Variants in SYN2 observed in about 807,000 individuals in gnomAD.
SYN2 encodes the protein synapsin II, also known as synapsin-2.
In SYN2, 19 loss-of-function variants were observed where a neutral mutation model predicts 50.9. The observed-to-expected ratio is 0.37, with a 90% confidence interval of 0.26 to 0.55. The LOEUF (loss-of-function observed/expected upper bound fraction) is 0.55. SYN2 is among the 20% of genes least tolerant of loss of function. The probability of loss-of-function intolerance (pLI) is 0.81; values close to 1 mark genes in which losing one functional copy is unlikely to be tolerated. For missense variants in SYN2, 587 were observed against 576.4 expected (o/e 1.02, Z -0.19); for synonymous variants, 255 against 224.9 (o/e 1.13, Z -1.20).
intron 1 of SYN2, among the ~76,000 whole-genome samples, chr3:12,087,550 A>T (rs1303332512): frequency 6.6e-6 from 1 of 152,016 alleles, no homozygotes; most frequent in African/African-American, 2.4e-5. Context: ...TCCCAGAAAT[A>T]CCAGCCTGGG....
At chr3:12,094,539 A>C (rs745411319) in intron 1 of SYN2, among the ~76,000 whole-genome samples, 3 of 152,230 alleles carry the variant, frequency 2.0e-5, no homozygotes, top group Non-Finnish European at 4.4e-5. Flanking sequence ...AGTCACCTCC[A>C]TCTATGCCAT....
intron 11 of SYN2, among the ~76,000 whole-genome samples, chr3:12,187,097 G>A (rs181650408): frequency 6.6e-6 from 1 of 152,136 alleles, no homozygotes; most frequent in Non-Finnish European, 1.5e-5. Context: ...GAGAGAGTGC[G>A]CCTCTGACGG....
At chr3:12,047,550 G>A (rs1156275312) in intron 1 of SYN2, among the ~76,000 whole-genome samples, 13 of 152,128 alleles carry the variant, frequency 8.5e-5, no homozygotes, top group Admixed American at 8.5e-4. Flanking sequence ...GCATTCTTCA[G>A]CAGCTTGGGG....
At chr3:12,039,661 G>A (rs1410891989) in intron 1 of SYN2, among the ~76,000 whole-genome samples, 1 of 149,584 alleles carries the variant, frequency 6.7e-6, no homozygotes, top group Non-Finnish European at 1.5e-5. Flanking sequence ...TTTTTTGAAG[G>A]TGTGCCATGA....
chr3:12,056,167 T>G (rs191549118), intron 1 of SYN2, among the ~76,000 whole-genome samples: 62 of 151,882 alleles, frequency 4.1e-4, no homozygotes, highest in African/African-American at 1.4e-3. Context: ...AAGTTGTGTT[T>G]TGTTTTTTTT....
intron 10 of SYN2, among the ~76,000 whole-genome samples, chr3:12,170,971 A>G (rs1389134515): frequency 3.3e-5 from 5 of 152,238 alleles, no homozygotes; most frequent in African/African-American, 9.6e-5. Flanking sequence ...AAGTTTCCCC[A>G]CTGATATCTA....
At chr3:12,035,995 T>C (rs1265002391) in intron 1 of SYN2, among the ~76,000 whole-genome samples, 5 of 152,260 alleles carry the variant, frequency 3.3e-5, no homozygotes, top group Non-Finnish European at 7.3e-5. Flanking sequence ...TTCCTTGCTA[T>C]TGTTTTAAGC....
intron 12 of SYN2, 42 bp from the exon 13 acceptor site, chr3:12,190,448 G>A (rs1247727593): frequency 6.2e-7 from 1 of 1,611,050 alleles, no homozygotes; most frequent in East Asian, 2.2e-5. Context: ...GCCTTGCTGG[G>A]AACACCACCC....
At chr3:12,111,063 T>C (rs1027417710) in intron 1 of SYN2, among the ~76,000 whole-genome samples, 1 of 152,042 alleles carries the variant, frequency 6.6e-6, no homozygotes, top group East Asian at 1.9e-4. Context: ...AATGATATGG[T>C]TTGGCTGTGT....
chr3:12,172,854 A>G (rs564887919), intron 10 of SYN2, among the ~76,000 whole-genome samples: 1 of 152,358 alleles, frequency 6.6e-6, no homozygotes, highest in East Asian at 1.9e-4. Context: ...CTCTTAGGGA[A>G]AAGCCAAATT....
chr3:12,079,670 T>G (rs1695546743), intron 1 of SYN2, among the ~76,000 whole-genome samples: 1 of 152,150 alleles, frequency 6.6e-6, no homozygotes, highest in Non-Finnish European at 1.5e-5. Context: ...TTGTGGTGAA[T>G]AAGGTTTTTT....
intron 1 of SYN2, among the ~76,000 whole-genome samples, chr3:12,037,288 T>C (rs995205113): frequency 5.9e-5 from 9 of 152,344 alleles, no homozygotes; most frequent in Admixed American, 3.3e-4. Context: ...TTCTCCAGAT[T>C]CTTCTAGTCT....
intron 3 of SYN2, among the ~76,000 whole-genome samples, chr3:12,145,092 C>T (rs1054614367): frequency 6.6e-6 from 1 of 151,868 alleles, no homozygotes; most frequent in Non-Finnish European, 1.5e-5. Flanking sequence ...TATCCCATTT[C>T]CCAGTCCAGA....
intron 11 of SYN2, chr3:12,185,165 C>T: frequency 1.0e-6 from 1 of 985,820 alleles, no homozygotes; most frequent in Non-Finnish European, 1.2e-6. Context: ...ATTTGCACTT[C>T]CAGATGGGTT....
intron 1 of SYN2, among the ~76,000 whole-genome samples, chr3:12,046,995 T>C (rs1007369298): frequency 6.6e-6 from 1 of 152,156 alleles, no homozygotes; most frequent in African/African-American, 2.4e-5. Flanking sequence ...TGTATGGGTT[T>C]GAACTTCAGG....
At chr3:12,070,825 A>AT in intron 1 of SYN2, 1 of 602,976 alleles carries the variant, frequency 1.7e-6, no homozygotes, top group Non-Finnish European at 3.2e-6. Flanking sequence ...CACCGAGCAC[A>AT]GCTACAGCTT....
At chr3:12,047,347 G>A (rs1008548208) in intron 1 of SYN2, among the ~76,000 whole-genome samples, 9 of 152,116 alleles carry the variant, frequency 5.9e-5, no homozygotes, top group African/African-American at 1.2e-4. Context: ...CCATCTGGTG[G>A]CTTCTATTTT....
chr3:12,075,580 T>C (rs1015419083), intron 1 of SYN2, among the ~76,000 whole-genome samples: 1 of 152,260 alleles, frequency 6.6e-6, no homozygotes, highest in South Asian at 2.1e-4. Context: ...TTTTCTTTCT[T>C]CTTAGCCTTG....
At chr3:12,071,334 C>G (rs181754994) in intron 1 of SYN2, 1 of 570,722 alleles carries the variant, frequency 1.8e-6, no homozygotes. Context: ...ACAAGTTGGC[C>G]CCTCCATCGT....
Sources: gnomAD v4.1 joint callset for allele counts (sites outside exome capture counted in the v4.1 genomes callset) on GRCh38, gnomAD v4.1.1 for gene constraint, MANE v1.5 for transcripts, NCBI Gene and HGNC (gene_info 2026-07-23, HGNC 2026-07-21) for gene names.